The following FRMD3 variants were observed in gnomAD, a reference collection of about 807,000 sequenced individuals.
The protein encoded by FRMD3 is FERM domain containing 3.
In FRMD3, 33 loss-of-function variants were observed where a neutral mutation model predicts 70.2. The ratio of observed to expected loss-of-function variants is 0.47; its 90% CI spans 0.36 to 0.63. The LOEUF is 0.63. Among genes scored for constraint, FRMD3 ranks in the 20% least tolerant of loss-of-function variants. The pLI is 0.00. For missense variants in FRMD3, 632 were observed against 711.4 expected, an observed-to-expected ratio of 0.89 and a Z score of 1.27; for synonymous variants, 279 against 255.9, an observed-to-expected ratio of 1.09 and a Z score of -0.86.
chr9:83,442,319 G>GCGAT (rs1827324749), intron 1 of FRMD3, among the ~76,000 whole-genome samples: 1 of 146,944 alleles, frequency 6.8e-6, no homozygotes, highest in African/African-American at 2.5e-5. Flanking sequence ...GTGCAGTGGT[G>GCGAT]CGATCTCAGC....
intron 6 of FRMD3, among the ~76,000 whole-genome samples, chr9:83,326,649 T>G (rs1235202521): frequency 1.3e-5 from 2 of 151,992 alleles, no homozygotes; most frequent in Non-Finnish European, 2.9e-5. Flanking sequence ...AAGGTTGGGG[T>G]TTTTTCCTTG....
intron 1 of FRMD3, among the ~76,000 whole-genome samples, chr9:83,416,209 G>A (rs567440992): frequency 9.4e-4 from 143 of 152,060 alleles, no homozygotes; most frequent in Non-Finnish European, 1.6e-3. Flanking sequence ...TCTCAACCAC[G>A]GTTTCCATTA....
the FRMD3 span, among the ~76,000 whole-genome samples, chr9:83,568,562 C>G: frequency 6.6e-6 from 1 of 152,072 alleles, no homozygotes; most frequent in Non-Finnish European, 1.5e-5. Flanking sequence ...ACTGCCTGAT[C>G]TTACTCATGT....
chr9:83,251,910 G>A (rs1359141725), intron 13 of FRMD3, among the ~76,000 whole-genome samples: 3 of 152,168 alleles, frequency 2.0e-5, no homozygotes, highest in African/African-American at 4.8e-5. Context: ...TGAGGTAACT[G>A]AAAGATACAG....
chr9:83,456,719 C>G (rs1827827916), intron 1 of FRMD3, among the ~76,000 whole-genome samples: 1 of 152,166 alleles, frequency 6.6e-6, no homozygotes, highest in African/African-American at 2.4e-5. Flanking sequence ...GTGGCTCACA[C>G]CTGTAATCCC....
At chr9:83,244,134 CAAA>C (rs776624062), downstream of FRMD3, among the ~76,000 whole-genome samples, 1 of 58,528 alleles carries the variant, frequency 1.7e-5, no homozygotes, top group African/African-American at 3.8e-5. Context: ...ATCATCATCT[CAAA>C]AAAAAAAAAG....
Position 83,451,594 on chromosome 9 carries a change from T to C in FRMD3, c.148-61886A>G, listed in dbSNP as rs149504452. On this transcript the variant is annotated intron_variant, in intron 1 of 13. Transcript: ENST00000304195. ...GCATGAATTTTTCACAGAATACCCG[T>C]GGCTAGCTTGTTACAGGATGTGCTG... is the stretch of plus-strand genomic sequence containing the variant. 9.0e-4 allele frequency among the ~76,000 whole-genome samples: 137 copies of C among 152,310 alleles called. 1 individual carries two copies. In the East Asian group the frequency reaches 0.024, roughly 26 times the overall value.
chr9:83,353,142 C>A (rs1824218142), intron 3 of FRMD3, among the ~76,000 whole-genome samples: 1 of 152,036 alleles, frequency 6.6e-6, no homozygotes, highest in South Asian at 2.1e-4. Flanking sequence ...GACCCCATGT[C>A]ACCAATAAAA....
chr9:83,267,518 T>C (rs1216054075), intron 13 of FRMD3, among the ~76,000 whole-genome samples: 6 of 152,154 alleles, frequency 3.9e-5, no homozygotes, highest in Non-Finnish European at 5.9e-5. Context: ...AATAACCCAC[T>C]TTTTCTTCTA....
chr9:83,309,170 T>G (rs908503352), intron 10 of FRMD3, among the ~76,000 whole-genome samples: 2 of 151,930 alleles, frequency 1.3e-5, no homozygotes, highest in African/African-American at 4.8e-5. Context: ...TGTACCAAAC[T>G]ATCTCAAGGT....
At chr9:83,264,498 T>C (rs1833141037) in intron 13 of FRMD3, among the ~76,000 whole-genome samples, 2 of 152,194 alleles carry the variant, frequency 1.3e-5, no homozygotes, top group African/African-American at 4.8e-5. Context: ...TCATCAAGTG[T>C]AACAAATGTA....
At chr9:83,573,281 G>C in the FRMD3 span, among the ~76,000 whole-genome samples, 2 of 151,636 alleles carry the variant, frequency 1.3e-5, no homozygotes, top group Non-Finnish European at 2.9e-5. Context: ...TGGAGAAGGA[G>C]GAGAAATTAT....
chr9:83,528,473 G>C lies in FRMD3; in HGVS notation c.147+9612C>G, dbSNP rs537237167. On this transcript the variant is annotated intron_variant, in intron 1 of 13. Coordinates refer to ENST00000304195, the MANE Select transcript of FRMD3 (RefSeq NM_174938.6). ...TATAAGTTCTATTTTGTTTTATTTA[G>C]GTTTGGGTTTGTTTTTTTTAATTTT... Among the ~76,000 whole-genome samples, 17 of 152,104 alleles carry C rather than the reference G, an allele frequency of 1.1e-4. No homozygotes were observed. In the South Asian group the frequency reaches 3.3e-3, roughly 30 times the overall value.
intron 1 of FRMD3, among the ~76,000 whole-genome samples, chr9:83,534,506 C>G (rs1829851039): frequency 6.6e-6 from 1 of 152,198 alleles, no homozygotes; most frequent in Non-Finnish European, 1.5e-5. Flanking sequence ...GGGGAGGTAA[C>G]AAGGAGAATA....
chr9:83,568,917 A>AAGATAGATAGATAGAT, the FRMD3 span, among the ~76,000 whole-genome samples: 2 of 143,398 alleles, frequency 1.4e-5, no homozygotes, highest in East Asian at 2.1e-4. Context: ...CTTGTTAGAA[A>AAGATAGATAGATAGAT]AGATAGATAG....
chr9:83,295,277 T>C (rs938250449), intron 12 of FRMD3, among the ~76,000 whole-genome samples: 1 of 152,186 alleles, frequency 6.6e-6, no homozygotes, highest in African/African-American at 2.4e-5. Flanking sequence ...TGACATTATG[T>C]AACTCAACTA....
chr9:83,246,251 C>A lies in FRMD3; in HGVS notation c.*1667G>T. 3.0e-6 allele frequency: 3 copies of A among 984,988 alleles called. No homozygotes were observed. Among genetic ancestry groups the A allele is most frequent in the Non-Finnish European group, 3.6e-6 (3 of 829,622 alleles). The allele number at this position is 984,988 out of a possible 1,614,324, so 61.0% of individuals were successfully genotyped here. ...TTAGGGCAGTGGAATGTTTTCAATCCACAGAGAAGCTCTATGCTCCATGGC... is the reference window on the plus strand; with the variant it reads ...TTAGGGCAGTGGAATGTTTTCAATCAACAGAGAAGCTCTATGCTCCATGGC... On this transcript the variant is annotated 3_prime_UTR_variant, in exon 14 of 14. Transcript: ENST00000304195.
At chr9:83,510,406 G>A (rs930965307) in intron 1 of FRMD3, among the ~76,000 whole-genome samples, 11 of 152,146 alleles carry the variant, frequency 7.2e-5, no homozygotes, top group Non-Finnish European at 1.5e-4. Context: ...GAGATGTCAG[G>A]ATCCCTATGC....
intron 5 of FRMD3, among the ~76,000 whole-genome samples, chr9:83,337,761 C>T (rs1437555699): frequency 1.3e-5 from 2 of 152,094 alleles, no homozygotes; most frequent in Non-Finnish European, 2.9e-5. Context: ...AAGTATATAA[C>T]CAGGAGGAAA....
Sources: gnomAD v4.1 joint callset for allele counts (sites outside exome capture counted in the v4.1 genomes callset) on GRCh38, gnomAD v4.1.1 for gene constraint, MANE v1.5 for transcripts, NCBI Gene and HGNC (gene_info 2026-07-23, HGNC 2026-07-21) for gene names.